Variants in SORCS3 observed in about 807,000 individuals in gnomAD.
SORCS3 encodes VPS10 domain-containing receptor SorCS3.
Under a neutral mutation model 146.3 loss-of-function variants are expected in SORCS3, and 57 were observed. The ratio of observed to expected loss-of-function variants is 0.39; its 90% confidence interval spans 0.31 to 0.49. The LOEUF (loss-of-function observed/expected upper bound fraction) is 0.49, where lower values mean the gene tolerates loss of function less well. Among genes scored for constraint, SORCS3 ranks in the 20% least tolerant of loss-of-function variants. The pLI is 0.92. For missense variants in SORCS3, 1,341 were observed against 1,575.5 expected (o/e 0.85, Z 2.52); for synonymous variants, 653 against 618.5 (o/e 1.06, Z -0.83).
At chr10:104,646,105 T>C (rs1287608409) in intron 1 of SORCS3, among the ~76,000 whole-genome samples, 2 of 152,212 alleles carry the variant, frequency 1.3e-5, no homozygotes, top group Non-Finnish European at 2.9e-5. Context: ...ACGGTACTAA[T>C]TGCTCCTGGT....
At chr10:104,907,000 G>A (rs2133593972) in intron 2 of SORCS3, among the ~76,000 whole-genome samples, 1 of 152,170 alleles carries the variant, frequency 6.6e-6, no homozygotes, top group Non-Finnish European at 1.5e-5. Context: ...TAAACTTAAT[G>A]GAAATGTATT....
chr10:104,869,677 A>G (rs772964082), intron 2 of SORCS3, among the ~76,000 whole-genome samples: 5 of 152,242 alleles, frequency 3.3e-5, no homozygotes, highest in Non-Finnish European at 5.9e-5. Flanking sequence ...CCATGTTTAA[A>G]TGTGCTAGGT....
chr10:105,237,987 C>T (rs143095439), intron 20 of SORCS3, among the ~76,000 whole-genome samples: 111 of 152,138 alleles, frequency 7.3e-4, no homozygotes, highest in African/African-American at 2.5e-3. Flanking sequence ...GACTTTTGCT[C>T]GTTGATATTA....
intron 1 of SORCS3, among the ~76,000 whole-genome samples, chr10:104,758,010 T>A (rs1446944993): frequency 6.6e-6 from 1 of 152,102 alleles, no homozygotes; most frequent in African/African-American, 2.4e-5. Context: ...GTCTGGAACA[T>A]AAAAACAGGA....
intron 7 of SORCS3, among the ~76,000 whole-genome samples, chr10:105,128,273 C>T (rs1167523471): frequency 6.6e-6 from 1 of 152,116 alleles, no homozygotes; most frequent in Non-Finnish European, 1.5e-5. Flanking sequence ...CACAAATATT[C>T]ATGGCTCTTG....
At chr10:104,968,548 C>A (rs570173651) in intron 3 of SORCS3, among the ~76,000 whole-genome samples, 1 of 152,202 alleles carries the variant, frequency 6.6e-6, no homozygotes, top group South Asian at 2.1e-4. Flanking sequence ...TTCCAGCACA[C>A]GTATACCCAC....
chr10:105,191,757 C>T (rs1047713942), intron 14 of SORCS3, among the ~76,000 whole-genome samples: 1 of 152,098 alleles, frequency 6.6e-6, no homozygotes, highest in African/African-American at 2.4e-5. Context: ...AGATCCTTTG[C>T]ATGTACAGTT....
At position 104,922,601 on chromosome 10, in the gene SORCS3, G is replaced by A. The variant is rs111842001; in HGVS notation, c.795+6669G>A. On this transcript the variant is annotated intron_variant, in intron 3 of 26. Transcript: ENST00000369701. The stretch of plus-strand genomic sequence containing the variant: ...TGAGGGCCCAGCATAGCCAGTTATT[G>A]TTAACATCCTTGCTATTATGTTCTG... 8.3e-3 allele frequency among the ~76,000 whole-genome samples: 1,264 copies of A among 152,280 alleles called. 23 individuals carry two copies. The highest frequency in any genetic ancestry group is 0.029 in the African/African-American group (1,216 of 41,540).
At chr10:104,862,646 A>T (rs2018417494) in intron 2 of SORCS3, among the ~76,000 whole-genome samples, 1 of 152,160 alleles carries the variant, frequency 6.6e-6, no homozygotes, top group African/African-American at 2.4e-5. Context: ...TATAATGTAT[A>T]AACTGAATTG....
At chr10:104,883,794 G>T (rs781676307) in intron 2 of SORCS3, among the ~76,000 whole-genome samples, 7 of 152,120 alleles carry the variant, frequency 4.6e-5, no homozygotes, top group African/African-American at 9.7e-5. Flanking sequence ...CCTCTAAGGA[G>T]GCTGGGAGGT....
At chr10:104,974,405 A>G (rs1206003903) in intron 3 of SORCS3, among the ~76,000 whole-genome samples, 1 of 152,120 alleles carries the variant, frequency 6.6e-6, no homozygotes, top group Non-Finnish European at 1.5e-5. Context: ...TATATTTAGG[A>G]TAGTTAGCTC....
intron 1 of SORCS3, among the ~76,000 whole-genome samples, chr10:104,721,245 A>G (rs1170533691): frequency 6.6e-6 from 1 of 152,182 alleles, no homozygotes; most frequent in Non-Finnish European, 1.5e-5. Flanking sequence ...TCCTTTCCCC[A>G]TTGCTTGTTT....
In SORCS3 at chr10:105,139,377, G is replaced by A; in HGVS notation, c.1213-20G>A. ...ATCTGTGGCCTCATCTGATCTCTTT[G>A]TGTTTCCCCCACAATCTAGGTAACA... On this transcript the variant is annotated intron_variant, in intron 7 of 26. Coordinates refer to ENST00000369701, the MANE Select transcript of SORCS3 (RefSeq NM_014978.3). The A allele has an allele frequency of 6.3e-7, 1 of 1,594,176 alleles. No individual in the cohort carries two copies. The highest frequency in any genetic ancestry group is 8.6e-7 in the Non-Finnish European group (1 of 1,162,004).
intron 5 of SORCS3, among the ~76,000 whole-genome samples, chr10:105,050,011 A>G (rs903073359): frequency 6.7e-6 from 1 of 148,690 alleles, no homozygotes; most frequent in Non-Finnish European, 1.5e-5. Context: ...ATATATGTGT[A>G]TATGTGTATG....
rs1589478247 is a variant in SORCS3 at position 104,735,349 on chromosome 10, G to A, written c.627+93395G>A. Among the ~76,000 whole-genome samples, 4 of 152,040 alleles carry A rather than the reference G, an allele frequency of 2.6e-5. No individual in the cohort carries two copies. The South Asian group carries it at 8.3e-4, about 32-fold the overall frequency. ...TGGCTTTTGAGAGCTGCCCCCAAAT[G>A]CAGCCGGAGATGCGTCCTCAGCTGT... On this transcript the variant is annotated intron_variant, in intron 1 of 26. Transcript: ENST00000369701.
At chr10:104,782,755 T>A (rs1404300631) in intron 1 of SORCS3, among the ~76,000 whole-genome samples, 1 of 152,172 alleles carries the variant, frequency 6.6e-6, no homozygotes, top group Non-Finnish European at 1.5e-5. Context: ...AATCACATTA[T>A]CTTTCTGAGC....
rs185607790 is a variant in SORCS3, at chr10:105,176,859, A to G, written c.1902-1207A>G. 1.8e-3 allele frequency among the ~76,000 whole-genome samples: 272 copies of G among 151,664 alleles called. 10 individuals carry two copies. In the South Asian group the frequency reaches 0.049, roughly 27 times the overall value. On this transcript the variant is annotated intron_variant, in intron 13 of 26. Coordinates refer to ENST00000369701, the MANE Select transcript of SORCS3 (RefSeq NM_014978.3). ...ACGGAGTGAGACTCCGTCTCAAACA[A>G]ACAAACAAACAAAAACCCTTCACAG...
At chr10:105,169,146 A>C (rs1318564533) in intron 13 of SORCS3, among the ~76,000 whole-genome samples, 1 of 152,114 alleles carries the variant, frequency 6.6e-6, no homozygotes, top group African/African-American at 2.4e-5. Context: ...TCAAAAAGCA[A>C]ACATGTTAAA....
At chr10:105,188,248 T>G (rs1474415535) in intron 14 of SORCS3, among the ~76,000 whole-genome samples, 1 of 152,328 alleles carries the variant, frequency 6.6e-6, no homozygotes, top group Middle Eastern at 3.4e-3. Flanking sequence ...ACAGATTTTT[T>G]TAGTTTTCAA....
Sources: allele counts gnomAD v4.1 joint callset (sites outside exome capture counted in the v4.1 genomes callset), GRCh38; gene constraint gnomAD v4.1.1; transcripts MANE v1.5; gene names NCBI Gene and HGNC (gene_info 2026-07-23, HGNC 2026-07-21).